The following SLC24A2 variants were observed in gnomAD, a reference collection of about 807,000 sequenced individuals.
The protein encoded by SLC24A2 is solute carrier family 24 member 2.
In SLC24A2, 36 loss-of-function variants were observed where a neutral mutation model predicts 62.0. That is an observed-to-expected ratio of 0.58 (90% confidence interval 0.44 to 0.77). SLC24A2 has a LOEUF of 0.77. Ranked by LOEUF, SLC24A2 falls within the 30% of genes least tolerant of loss-of-function variation. The probability of loss-of-function intolerance (pLI) is 0.00; values close to 1 mark genes in which losing one functional copy is unlikely to be tolerated. For missense variants in SLC24A2, 846 were observed against 817.9 expected (o/e 1.03, Z -0.42); for synonymous variants, 358 against 294.0 (o/e 1.22, Z -2.23).
chr9:20,257,895 G>C, the SLC24A2 span, among the ~76,000 whole-genome samples: 1 of 152,154 alleles, frequency 6.6e-6, no homozygotes. Context: ...CATGACACTG[G>C]CATGGTCCCT....
the SLC24A2 span, among the ~76,000 whole-genome samples, chr9:19,797,315 T>A: frequency 2.6e-5 from 4 of 152,154 alleles, no homozygotes; most frequent in African/African-American, 9.7e-5. Flanking sequence ...TACTGTAGCT[T>A]ATTGTGTATT....
At chr9:20,246,505 C>CCACT in the SLC24A2 span, among the ~76,000 whole-genome samples, 2 of 152,196 alleles carry the variant, frequency 1.3e-5, no homozygotes, top group Non-Finnish European at 2.9e-5. Flanking sequence ...ATTTTACGAA[C>CCACT]CACTCAGCAT....
chr9:20,235,653 G>A, the SLC24A2 span, among the ~76,000 whole-genome samples: 2 of 152,198 alleles, frequency 1.3e-5, no homozygotes, highest in African/African-American at 2.4e-5. Flanking sequence ...ACTAGGAAAG[G>A]GAATTCCCTG....
chr9:19,562,341 T>C (rs888190778), intron 7 of SLC24A2, among the ~76,000 whole-genome samples: 6 of 152,210 alleles, frequency 3.9e-5, no homozygotes, highest in African/African-American at 1.2e-4. Flanking sequence ...ATGGAGTTTT[T>C]TTCCTTTTTA....
At chr9:20,165,519 A>G in the SLC24A2 span, among the ~76,000 whole-genome samples, 3,210 of 152,042 alleles carry the variant, frequency 0.021, 114 homozygotes, top group African/African-American at 0.073. Flanking sequence ...AGTATGTAAT[A>G]AAGTGGTATC....
At chr9:20,171,085 T>G in the SLC24A2 span, among the ~76,000 whole-genome samples, 1 of 151,974 alleles carries the variant, frequency 6.6e-6, no homozygotes, top group Non-Finnish European at 1.5e-5. Context: ...AAGGAAACAA[T>G]TATCAGCCAA....
At chr9:19,892,224 G>C in the SLC24A2 span, among the ~76,000 whole-genome samples, 1 of 152,130 alleles carries the variant, frequency 6.6e-6, no homozygotes, top group Non-Finnish European at 1.5e-5. Context: ...TAAACAACCT[G>C]CTTTCTCAGT....
Position 19,521,289 on chromosome 9 carries a change from T to C in SLC24A2, c.1570-229A>G, listed in dbSNP as rs559946195. On this transcript the variant is annotated intron_variant, in intron 9 of 10. Transcript: ENST00000341998. ...TCACATGAAAATTAAACAGATAATC[T>C]CAAAAAAGAGCTCTAGAGGGCTAGA... is the stretch of plus-strand genomic sequence containing the variant. 1.5e-3 allele frequency among the ~76,000 whole-genome samples: 223 copies of C among 152,216 alleles called. 1 individual carries two copies. The highest frequency in any genetic ancestry group is 5.1e-3 in the African/African-American group (212 of 41,530).
At chr9:20,224,755 A>AG in the SLC24A2 span, among the ~76,000 whole-genome samples, 2 of 152,040 alleles carry the variant, frequency 1.3e-5, no homozygotes, top group Non-Finnish European at 2.9e-5. Flanking sequence ...ACCAGTTGGA[A>AG]GGTGTAGTCC....
the SLC24A2 span, among the ~76,000 whole-genome samples, chr9:20,165,065 C>T: frequency 6.6e-6 from 1 of 150,910 alleles, no homozygotes; most frequent in African/African-American, 2.4e-5. Flanking sequence ...AGCACACCAG[C>T]ATGGCACATG....
chr9:19,870,330 G>A, the SLC24A2 span, among the ~76,000 whole-genome samples: 2 of 152,222 alleles, frequency 1.3e-5, no homozygotes, highest in South Asian at 4.1e-4. Context: ...GCTCATCCAT[G>A]TTATAGCATG....
chr9:19,564,575 G>T (rs921537131), intron 7 of SLC24A2, among the ~76,000 whole-genome samples: 4 of 152,012 alleles, frequency 2.6e-5, no homozygotes, highest in Non-Finnish European at 5.9e-5. Context: ...ACATTCCTAG[G>T]AATGTCATTT....
At chr9:20,107,492 C>A in the SLC24A2 span, among the ~76,000 whole-genome samples, 1 of 152,146 alleles carries the variant, frequency 6.6e-6, no homozygotes, top group Non-Finnish European at 1.5e-5. Context: ...GGTACCAAAA[C>A]AGAGATATAG....
At chr9:20,215,197 C>T in the SLC24A2 span, among the ~76,000 whole-genome samples, 1 of 152,198 alleles carries the variant, frequency 6.6e-6, no homozygotes, top group African/African-American at 2.4e-5. Context: ...ATAGCTAGCT[C>T]TCTTGGGTCT....
intron 7 of SLC24A2, among the ~76,000 whole-genome samples, chr9:19,566,859 A>G (rs1049120895): frequency 2.6e-5 from 4 of 152,128 alleles, no homozygotes; most frequent in South Asian, 2.1e-4. Flanking sequence ...CTATCGCAAG[A>G]ACAAAAAACC....
chr9:20,067,137 CTT>C, the SLC24A2 span, among the ~76,000 whole-genome samples: 2 of 152,086 alleles, frequency 1.3e-5, no homozygotes, highest in Non-Finnish European at 2.9e-5. Flanking sequence ...GTTTTAAAAT[CTT>C]TGTCAAATAT....
the SLC24A2 span, among the ~76,000 whole-genome samples, chr9:20,177,165 A>T: frequency 6.6e-6 from 1 of 152,000 alleles, no homozygotes; most frequent in South Asian, 2.1e-4. Context: ...TTTATTCTTG[A>T]TATAGGCCAT....
chr9:19,674,113 C>T (rs553932149), intron 2 of SLC24A2, among the ~76,000 whole-genome samples: 1 of 152,240 alleles, frequency 6.6e-6, no homozygotes, highest in African/African-American at 2.4e-5. Flanking sequence ...AAGACTGCAT[C>T]TTTCCTTCAC....
At chr9:20,257,959 A>T in the SLC24A2 span, among the ~76,000 whole-genome samples, 1 of 152,170 alleles carries the variant, frequency 6.6e-6, no homozygotes, top group African/African-American at 2.4e-5. Context: ...GTCTAAAAAT[A>T]TCCTTAAGAC....
Sources: gnomAD v4.1 joint callset for allele counts (sites outside exome capture counted in the v4.1 genomes callset) on GRCh38, gnomAD v4.1.1 for gene constraint, MANE v1.5 for transcripts, NCBI Gene and HGNC (gene_info 2026-07-23, HGNC 2026-07-21) for gene names.